MACF1: variants seen among roughly 807,000 people sequenced by gnomAD.
MACF1 encodes microtubule-actin cross-linking factor 1.
A neutral mutation model predicts 854.8 loss-of-function variants in MACF1; 193 were observed. That is an observed-to-expected ratio of 0.23 (90% confidence interval 0.20 to 0.25). The LOEUF is 0.25. Ranked by LOEUF, MACF1 falls within the 10% of genes least tolerant of loss-of-function variation. MACF1 has a pLI of 1.00. For synonymous variants in MACF1, 3,185 were observed against 3,226.7 expected (o/e 0.99, Z 0.44); for missense variants, 7,722 against 8,929.1 (o/e 0.86, Z 5.45).
chr1:39,247,502 G>A (rs1374968280), intron 2 of MACF1, among the ~76,000 whole-genome samples: 1 of 152,082 alleles, frequency 6.6e-6, no homozygotes, highest in Non-Finnish European at 1.5e-5. Flanking sequence ...CTGTACTCTT[G>A]AGGTTATGTC....
Position 39,287,327 on chromosome 1 carries a change from A to G in MACF1, c.1550A>G (p.Glu517Gly), listed in dbSNP as rs1364105690. Residue 517 changes from glutamate (E) to glycine (G), a missense_variant, in exon 15 of 101, where the codon GAG becomes GGG. Physicochemically the swap from Glu to Gly is moderately conservative, Grantham distance 98. Transcript: ENST00000564288. Reference sequence around the variant, plus strand: ...GATGAGCTGGTCACCTTGCGTCTAGAGTGTACAAACCTGTACCGGAAGGGT... The same window carrying G: ...GATGAGCTGGTCACCTTGCGTCTAGGGTGTACAAACCTGTACCGGAAGGGT... ...LQDELVTLRL[E>G]CTNLYRKGHF... 6.2e-7 allele frequency: 1 copy of G among 1,614,170 alleles called. No individual in the cohort carries two copies. Among genetic ancestry groups the G allele is most frequent in the South Asian group, 1.1e-5 (1 of 91,082 alleles).
At chr1:39,259,951 C>A (rs991182430) in intron 6 of MACF1, among the ~76,000 whole-genome samples, 29 of 152,178 alleles carry the variant, frequency 1.9e-4, no homozygotes, top group Admixed American at 6.5e-5. Context: ...TTAAAAATTT[C>A]ATTTCTTTCT....
At chr1:39,324,569 A>G (rs1646574437) in intron 34 of MACF1, 77 bp from the exon 35 acceptor site, 12 of 1,279,830 alleles carry the variant, frequency 9.4e-6, no homozygotes, top group Non-Finnish European at 1.1e-5. Context: ...TCTAGGATTT[A>G]AAAAAATAAT....
intron 1 of MACF1, among the ~76,000 whole-genome samples, chr1:39,207,274 CT>C (rs1342834375): frequency 2.0e-5 from 3 of 149,192 alleles, no homozygotes; most frequent in Non-Finnish European, 4.5e-5. Flanking sequence ...TTCTTTCTTT[CT>C]TTCTTTCTTT....
chr1:39,480,873 C>A, intron 98 of MACF1, 47 bp from the exon 99 acceptor site: 1 of 1,017,832 alleles, frequency 9.8e-7, no homozygotes, highest in South Asian at 1.4e-5. Flanking sequence ...CCTTTTTGTT[C>A]CTTTTTCAAT....
chr1:39,173,308 C>G (rs117211032), intron 2 of MACF1, among the ~76,000 whole-genome samples: 3,383 of 145,714 alleles, frequency 0.023, 75 homozygotes, highest in East Asian at 0.13. Context: ...CCACTGAACT[C>G]CAGCCTGGTG....
Position 39,205,130 on chromosome 1 carries a change from AG to A in MACF1, c.109+1del. 1.4e-6 allele frequency: 1 copy of A among 703,012 alleles called. No homozygotes were observed. The highest frequency in any genetic ancestry group is 2.6e-6 in the Non-Finnish European group (1 of 384,996). 43.5% of individuals were successfully genotyped at this position (703,012 alleles called of 1,614,324 possible). ...YWKRHARGRA[D>X]ERDRVQKKTF... ...GGAAGAGGCATGCCAGAGGTAGAGC[AG>A]GTAACTAACTGGTACCCAGTTATTC... On this transcript the variant is annotated frameshift_variant and splice_region_variant, in exon 1 of 101. Transcript: ENST00000564288. LOFTEE classifies it high-confidence loss of function.
chr1:39,269,049 A>T, intron 6 of MACF1: 2 of 1,289,520 alleles, frequency 1.6e-6, no homozygotes, highest in Non-Finnish European at 2.0e-6. Context: ...GGAGGTCCAG[A>T]CCGCCCACCT....
intron 2 of MACF1, among the ~76,000 whole-genome samples, chr1:39,135,782 C>G (rs1448086403): frequency 1.3e-5 from 2 of 152,160 alleles, no homozygotes; most frequent in African/African-American, 2.4e-5. Flanking sequence ...TAATTTTTCT[C>G]AGTGATAAAC....
At position 39,447,677 on chromosome 1, in the gene MACF1, C is replaced by G; in HGVS notation, c.19762-15C>G. ...TCTTATCTTAAGCTAAAAAAGAGCA[C>G]TATTGTTCCCTCAGGTTTTTGCTAA... On this transcript the variant is annotated splice_polypyrimidine_tract_variant and intron_variant, in intron 81 of 100. Transcript: ENST00000564288. 1.2e-6 allele frequency: 2 copies of G among 1,614,038 alleles called. No homozygotes were observed. The highest frequency in any genetic ancestry group is 1.7e-6 in the Non-Finnish European group (2 of 1,179,888).
intron 42 of MACF1, 24 bp downstream of exon 42, chr1:39,349,651 G>A: frequency 1.2e-6 from 2 of 1,611,614 alleles, no homozygotes; most frequent in East Asian, 4.5e-5. Flanking sequence ...TGTCAATTTT[G>A]ACACAAAGTC....
At chr1:39,478,665 C>A (rs530792423) in intron 97 of MACF1, among the ~76,000 whole-genome samples, 20 of 152,328 alleles carry the variant, frequency 1.3e-4, no homozygotes, top group African/African-American at 4.1e-4. Flanking sequence ...AACACTGATT[C>A]TACCAAAATT....
At chr1:39,351,581 CTTT>C (rs36123797) in intron 43 of MACF1, among the ~76,000 whole-genome samples, 4 of 85,904 alleles carry the variant, frequency 4.7e-5, no homozygotes, top group African/African-American at 1.4e-4. Flanking sequence ...AAGCAAATGG[CTTT>C]TTTTTTTTTT....
rs1167416216 is a variant in MACF1, at chr1:39,124,576, TCTC to T, written c.220+40142_220+40144del. ...CAAATTTACAGGAATAAAGAGGCTTTCTCCTCTTCCTCTTTTTCTCTTTATCTC... is the reference window on the plus strand; with the variant it reads ...CAAATTTACAGGAATAAAGAGGCTTTCTCTTCCTCTTTTTCTCTTTATCTC... On this transcript the variant is annotated intron_variant, in intron 2 of 93. Coordinates refer to the MACF1 transcript ENST00000361689. Among the ~76,000 whole-genome samples the T allele has an allele frequency of 2.6e-5, 4 of 152,346 alleles. No individual in the cohort carries two copies. The East Asian group carries it at 5.8e-4, about 22-fold the overall frequency.
At chr1:39,358,600 G>A (rs1489868277) in intron 45 of MACF1, 97 bp from the exon 46 acceptor site, 2 of 1,095,980 alleles carry the variant, frequency 1.8e-6, no homozygotes, top group East Asian at 4.7e-5. Context: ...AAGTTACAGT[G>A]AGTTGTCTGT....
Position 39,331,490 on chromosome 1 carries a change from G to A in MACF1, c.4902G>A (p.Val1634=). The A allele has an allele frequency of 6.2e-7, 1 of 1,614,094 alleles. No homozygotes were observed. Among genetic ancestry groups the A allele is most frequent in the Non-Finnish European group, 8.5e-7 (1 of 1,180,012 alleles). Residue 1634 remains valine (V), a synonymous_variant, in exon 37 of 101, where the codon GTG becomes GTA. Coordinates refer to ENST00000564288, the MANE Select transcript of MACF1 (RefSeq NM_001394062.1). ...CTGAGAGCAGAGGCCCTCTTTCTGT[G>A]GTGGAAGCAATTGAAAAGAGAATAA... The part of the protein sequence containing the change: ...RLTESRGPLS[V]VEAIEKRIIS...
intron 2 of MACF1, among the ~76,000 whole-genome samples, chr1:39,244,689 C>T (rs1415167071): frequency 1.3e-5 from 2 of 152,088 alleles, no homozygotes; most frequent in African/African-American, 4.8e-5. Flanking sequence ...GCAAATTCTC[C>T]TGCCTCATCC....
intron 58 of MACF1, among the ~76,000 whole-genome samples, chr1:39,404,409 T>A (rs1215190340): frequency 6.6e-6 from 1 of 151,632 alleles, no homozygotes; most frequent in Non-Finnish European, 1.5e-5. Flanking sequence ...AGGTGGAGGT[T>A]GCAGTGAACC....
Position 39,430,841 on chromosome 1 carries a change from A to G in MACF1, c.17270A>G (p.Lys5757Arg). ...GTGTCCGATGCTAACGAGCAGTACA[A>G]ACTAGTCAGTGACACTATTGGACAA... ...KLVSDANEQY[K>R]LVSDTIGQRV... is the part of the protein sequence containing the mutation. Residue 5757 changes from lysine (K) to arginine (R), a missense_variant, in exon 66 of 101, where the codon AAA becomes AGA. Physicochemically the swap from Lys to Arg is conservative, Grantham distance 26. Around this residue, in one of 15 missense-constraint regions of MACF1, gnomAD observed 2,807 missense variants for 3,235.8 expected, o/e 0.87. Coordinates refer to ENST00000564288, the MANE Select transcript of MACF1 (RefSeq NM_001394062.1). 2 of 1,612,756 alleles carry G rather than the reference A, an allele frequency of 1.2e-6. No individual in the cohort carries two copies. The highest frequency in any genetic ancestry group is 1.7e-6 in the Non-Finnish European group (2 of 1,180,020).
Sources: allele counts gnomAD v4.1 joint callset (sites outside exome capture counted in the v4.1 genomes callset), GRCh38; gene constraint gnomAD v4.1.1; regional missense constraint gnomAD v4.1.1; transcripts MANE v1.5; gene names NCBI Gene and HGNC (gene_info 2026-07-23, HGNC 2026-07-21).